Variants in L3MBTL3 observed in about 807,000 individuals in gnomAD.
The protein encoded by L3MBTL3 is lethal(3)malignant brain tumor-like protein 3.
Under a neutral mutation model 102.3 loss-of-function variants are expected in L3MBTL3, and 27 were observed. The ratio of observed to expected loss-of-function variants is 0.26; its 90% CI spans 0.19 to 0.36. The LOEUF is 0.36. Ranked by LOEUF, L3MBTL3 falls within the 10% of genes least tolerant of loss-of-function variation. The pLI is 1.00. For missense variants in L3MBTL3, 798 were observed against 955.3 expected (o/e 0.84, Z 2.17); for synonymous variants, 340 against 320.9 (o/e 1.06, Z -0.64).
intron 17 of L3MBTL3, 29 bp downstream of exon 17, chr6:130,092,888 G>A (rs751906526): frequency 2.2e-6 from 3 of 1,336,908 alleles, no homozygotes; most frequent in Non-Finnish European, 3.2e-6. Flanking sequence ...TTGTATAAAT[G>A]TTTCCATTTC....
At chr6:130,089,777 A>G (rs1783922965) in intron 16 of L3MBTL3, among the ~76,000 whole-genome samples, 1 of 151,770 alleles carries the variant, frequency 6.6e-6, no homozygotes, top group African/African-American at 2.4e-5. Flanking sequence ...ATGAGATGGT[A>G]TCTCATTGTG....
At chr6:130,117,438 G>C (rs1234035316) in intron 19 of L3MBTL3, among the ~76,000 whole-genome samples, 1 of 152,076 alleles carries the variant, frequency 6.6e-6, no homozygotes, top group Non-Finnish European at 1.5e-5. Context: ...CTGTCAAGAA[G>C]CATATCTTTT....
At chr6:130,024,208 C>T (rs939541288) in intron 2 of L3MBTL3, among the ~76,000 whole-genome samples, 2 of 152,042 alleles carry the variant, frequency 1.3e-5, no homozygotes, top group Non-Finnish European at 2.9e-5. Context: ...ATGAGTCCTC[C>T]GAATGACTGA....
chr6:130,051,227 A>C, intron 5 of L3MBTL3, 22 bp from the exon 6 acceptor site: 1 of 1,586,436 alleles, frequency 6.3e-7, no homozygotes, highest in Non-Finnish European at 8.6e-7. Context: ...TGTAATTTGC[A>C]TTTCTTCTTT....
chr6:130,141,146 A>G lies in L3MBTL3; in HGVS notation c.*1393A>G, dbSNP rs1016884712. The G allele has an allele frequency of 6.6e-6, 1 of 152,214 alleles. No homozygotes were observed. The highest frequency in any genetic ancestry group is 1.5e-5 in the Non-Finnish European group (1 of 68,026). 9.4% of individuals were successfully genotyped at this position (152,214 alleles called of 1,614,324 possible). ...TAAAAATAGAAAGTAAGTTTGTAGC[A>G]TGCTGTCTGAATTCTGGGGTAAGTT... On this transcript the variant is annotated 3_prime_UTR_variant, in exon 23 of 23. Coordinates refer to ENST00000361794, the MANE Select transcript of L3MBTL3 (RefSeq NM_032438.4).
chr6:130,135,045 C>G (rs1412304114), intron 22 of L3MBTL3, among the ~76,000 whole-genome samples: 1 of 147,572 alleles, frequency 6.8e-6, no homozygotes, highest in Non-Finnish European at 1.5e-5. Context: ...TTCACTGATA[C>G]TCTCAATTCA....
chr6:130,080,658 C>T (rs570358135), intron 14 of L3MBTL3, among the ~76,000 whole-genome samples: 3 of 149,768 alleles, frequency 2.0e-5, no homozygotes, highest in East Asian at 3.9e-4. Flanking sequence ...ATAATTCAGT[C>T]GAAGAGAAAA....
rs1780980635 is a variant in L3MBTL3, at chr6:130,049,841, C to T, written c.289+11C>T. Reference sequence around the variant, plus strand: ...CTGGATGTCCCACAGGTACCTCAAACTCCACATGTCTGAAATGCAATTCAT... The same window carrying T: ...CTGGATGTCCCACAGGTACCTCAAATTCCACATGTCTGAAATGCAATTCAT... On this transcript the variant is annotated intron_variant, in intron 5 of 22. Transcript: ENST00000361794. 3.1e-6 allele frequency: 5 copies of T among 1,606,612 alleles called. No individual in the cohort carries two copies. Among genetic ancestry groups the T allele is most frequent in the African/African-American group, 1.3e-5 (1 of 74,600 alleles).
intron 14 of L3MBTL3, among the ~76,000 whole-genome samples, chr6:130,082,472 A>C (rs1173385786): frequency 6.6e-6 from 1 of 152,202 alleles, no homozygotes; most frequent in Non-Finnish European, 1.5e-5. Flanking sequence ...TCAGTGAGTT[A>C]TAATTGATTG....
At chr6:130,134,165 C>A (rs1401797703) in intron 22 of L3MBTL3, among the ~76,000 whole-genome samples, 1 of 152,086 alleles carries the variant, frequency 6.6e-6, no homozygotes, top group South Asian at 2.1e-4. Context: ...AAAAAGAAAA[C>A]CCACAGAACT....
intron 2 of L3MBTL3, among the ~76,000 whole-genome samples, chr6:130,029,339 C>T (rs1779556863): frequency 6.6e-6 from 1 of 152,202 alleles, no homozygotes; most frequent in African/African-American, 2.4e-5. Context: ...GCTTTAATCT[C>T]TCACAGCACT....
At chr6:130,037,941 C>G (rs185789375) in intron 2 of L3MBTL3, among the ~76,000 whole-genome samples, 2 of 152,026 alleles carry the variant, frequency 1.3e-5, no homozygotes, top group South Asian at 2.1e-4. Flanking sequence ...CCTCCCACCC[C>G]CTTCCTAGCC....
intron 14 of L3MBTL3, among the ~76,000 whole-genome samples, chr6:130,079,949 A>G (rs1300354460): frequency 6.6e-6 from 1 of 152,192 alleles, no homozygotes; most frequent in African/African-American, 2.4e-5. Flanking sequence ...GATATAAATC[A>G]TGAAGGGTTA....
chr6:130,128,925 G>C (rs1398178212), intron 20 of L3MBTL3, among the ~76,000 whole-genome samples: 1 of 152,208 alleles, frequency 6.6e-6, no homozygotes, highest in Non-Finnish European at 1.5e-5. Flanking sequence ...TGCTGACCCT[G>C]TTGGAGGTGC....
intron 18 of L3MBTL3, among the ~76,000 whole-genome samples, chr6:130,102,185 T>C (rs371990542): frequency 3.9e-5 from 6 of 152,204 alleles, no homozygotes; most frequent in East Asian, 1.9e-4. Context: ...TTTCCATTGC[T>C]TCCCATCTCC....
At chr6:130,070,299 T>G (rs1308499547) in intron 12 of L3MBTL3, among the ~76,000 whole-genome samples, 1 of 152,184 alleles carries the variant, frequency 6.6e-6, no homozygotes, top group African/African-American at 2.4e-5. Flanking sequence ...TTACAGAACT[T>G]TCATTGTTTT....
intron 7 of L3MBTL3, among the ~76,000 whole-genome samples, chr6:130,054,556 G>A (rs1781339692): frequency 6.6e-6 from 1 of 152,152 alleles, no homozygotes; most frequent in Admixed American, 6.5e-5. Flanking sequence ...AAAAATCAGG[G>A]ATAAAACTTT....
At chr6:130,112,939 A>T (rs1241673370) in intron 19 of L3MBTL3, among the ~76,000 whole-genome samples, 1 of 152,194 alleles carries the variant, frequency 6.6e-6, no homozygotes, top group East Asian at 1.9e-4. Context: ...CTGTGAAAAG[A>T]TGCTTTCCTC....
At chr6:130,055,880 TCTTCC>T (rs1392331615) in intron 8 of L3MBTL3, among the ~76,000 whole-genome samples, 4 of 151,130 alleles carry the variant, frequency 2.6e-5, no homozygotes, top group Admixed American at 6.6e-5. Flanking sequence ...TTCTGTCTTC[TCTTCC>T]CTTCCCTTCC....
Sources: allele counts gnomAD v4.1 joint callset (sites outside exome capture counted in the v4.1 genomes callset), GRCh38; gene constraint gnomAD v4.1.1; transcripts MANE v1.5; gene names NCBI Gene and HGNC (gene_info 2026-07-23, HGNC 2026-07-21).